Variants in CLASP2 observed in about 807,000 individuals in gnomAD.
The protein encoded by CLASP2 is CLIP-associating protein 2.
In CLASP2, 47 loss-of-function variants were observed where a neutral mutation model predicts 194.4. That is an observed-to-expected ratio of 0.24 (90% confidence interval 0.19 to 0.31). The LOEUF is 0.31. CLASP2 is among the 10% of genes least tolerant of loss of function. CLASP2 has a pLI of 1.00. For synonymous variants in CLASP2, 619 were observed against 633.5 expected (o/e 0.98, Z 0.34); for missense variants, 1,445 against 1,823.6 (o/e 0.79, Z 3.78).
At chr3:33,580,864 A>G (rs1410431140) in intron 23 of CLASP2, among the ~76,000 whole-genome samples, 12 of 151,530 alleles carry the variant, frequency 7.9e-5, no homozygotes, top group Admixed American at 7.2e-4. Flanking sequence ...AAATACAAAA[A>G]AATTAGCCGG....
chr3:33,673,885 A>G (rs1459274794), intron 6 of CLASP2, among the ~76,000 whole-genome samples: 2 of 152,228 alleles, frequency 1.3e-5, no homozygotes, highest in African/African-American at 4.8e-5. Context: ...TTCAACAAGA[A>G]GAGCTAACTA....
At chr3:33,539,593 C>T (rs1299037563) in intron 32 of CLASP2, among the ~76,000 whole-genome samples, 1 of 152,144 alleles carries the variant, frequency 6.6e-6, no homozygotes, top group African/African-American at 2.4e-5. Context: ...CCTCGGCCTC[C>T]CAAAGTGCTG....
chr3:33,649,445 A>G (rs1256050092), intron 7 of CLASP2, among the ~76,000 whole-genome samples: 1 of 152,248 alleles, frequency 6.6e-6, no homozygotes. Flanking sequence ...CACATTTCAC[A>G]GTATGGAGAC....
chr3:33,715,740 A>G (rs1050394966), intron 1 of CLASP2, among the ~76,000 whole-genome samples: 1 of 148,268 alleles, frequency 6.7e-6, no homozygotes, highest in Non-Finnish European at 1.5e-5. Context: ...GAAAAACTGT[A>G]TTTTGTTCAG....
rs2092267779 is a variant in CLASP2 at position 33,700,087 on chromosome 3, A to T, written c.196-3154T>A. ...TACATGACAGCAGACAAAAACTTAG[A>T]TCTACACTAAGAAATAACAGGAAAT... On this transcript the variant is annotated intron_variant, in intron 1 of 38. Coordinates refer to ENST00000682230, the MANE Select transcript of CLASP2 (RefSeq NM_001365631.1). Among the ~76,000 whole-genome samples, 3 of 152,260 alleles carry T rather than the reference A, an allele frequency of 2.0e-5. No homozygotes were observed. The South Asian group carries it at 6.2e-4, about 32-fold the overall frequency.
intron 37 of CLASP2, among the ~76,000 whole-genome samples, chr3:33,506,981 C>T (rs9858017): frequency 0.02 from 2,963 of 151,162 alleles, 95 homozygotes; most frequent in African/African-American, 0.067. Flanking sequence ...TCTTGTTGCC[C>T]AGGCTGGAGT....
rs771894699 is a variant in CLASP2 at position 33,543,451 on chromosome 3, T to C, written c.3386A>G (p.Gln1129Arg). Residue 1129 changes from glutamine to arginine, a missense_variant, in exon 32 of 39, where the codon CAG (glutamine) becomes CGG (arginine). Transcript: ENST00000682230. ...SPLTSPTNTSQNTLSPSAFDY... is the reference protein window; with the variant it reads ...SPLTSPTNTSRNTLSPSAFDY... ...TTATTACCTTGGAGATAAAGTATTC[T>C]GTGATGTATTGGTAGGAGAAGTAAG... is the stretch of plus-strand genomic sequence containing the variant. 1 of 1,600,464 alleles carries C rather than the reference T, an allele frequency of 6.2e-7. No homozygotes were observed. Among genetic ancestry groups the C allele is most frequent in the East Asian group, 2.2e-5 (1 of 44,820 alleles).
chr3:33,688,444 C>A, intron 3 of CLASP2, 76 bp from the exon 4 acceptor site: 1 of 1,068,552 alleles, frequency 9.4e-7, no homozygotes, highest in Non-Finnish European at 1.4e-6. Flanking sequence ...TCTTCCCAAT[C>A]TTACTACCAA....
chr3:33,633,880 G>T (rs2079585949), intron 8 of CLASP2, among the ~76,000 whole-genome samples: 2 of 152,102 alleles, frequency 1.3e-5, no homozygotes, highest in African/African-American at 4.8e-5. Context: ...AGATACAAAG[G>T]ACAGTATGAG....
chr3:33,572,369 T>TA (rs1437464157), intron 25 of CLASP2, among the ~76,000 whole-genome samples: 3 of 152,232 alleles, frequency 2.0e-5, no homozygotes, highest in Non-Finnish European at 2.9e-5. Flanking sequence ...ACATTTATTT[T>TA]AAATTATATA....
At chr3:33,564,534 T>A (rs1488610667) in intron 27 of CLASP2, among the ~76,000 whole-genome samples, 1 of 152,226 alleles carries the variant, frequency 6.6e-6, no homozygotes, top group African/African-American at 2.4e-5. Flanking sequence ...AGTAGCTAAA[T>A]AAAAATGTGG....
At chr3:33,643,218 T>G (rs566690886) in intron 8 of CLASP2, among the ~76,000 whole-genome samples, 1 of 152,040 alleles carries the variant, frequency 6.6e-6, no homozygotes, top group South Asian at 2.1e-4. Context: ...AGCCACTGGT[T>G]CAATTCATAA....
chr3:33,672,330 A>G (rs570645400), intron 6 of CLASP2, among the ~76,000 whole-genome samples: 99 of 152,344 alleles, frequency 6.5e-4, no homozygotes, highest in African/African-American at 2.4e-3. Flanking sequence ...TACCCAGGCA[A>G]ACAGGGTCTG....
chr3:33,691,100 T>C (rs6550229), intron 2 of CLASP2, among the ~76,000 whole-genome samples: 49,077 of 151,936 alleles, frequency 0.32, 8,069 homozygotes, highest in Admixed American at 0.4. Context: ...TGGCCACTCA[T>C]CTCCTGCTAT....
chr3:33,563,376 C>T (rs2062099439), intron 27 of CLASP2, among the ~76,000 whole-genome samples: 2 of 152,304 alleles, frequency 1.3e-5, no homozygotes, highest in East Asian at 1.9e-4. Context: ...GACACAGTCT[C>T]TCTGATCTAT....
intron 5 of CLASP2, among the ~76,000 whole-genome samples, chr3:33,686,119 T>G (rs535239801): frequency 6.6e-6 from 1 of 152,180 alleles, no homozygotes; most frequent in Non-Finnish European, 1.5e-5. Context: ...GAAGAGACAG[T>G]AGAATTCTCT....
rs145369083 is a variant in CLASP2, at chr3:33,533,873, C to T, written c.3787+1360G>A. On this transcript the variant is annotated intron_variant, in intron 34 of 38. Coordinates refer to ENST00000682230, the MANE Select transcript of CLASP2 (RefSeq NM_001365631.1). ...CTGGGATGACAGGCGCGTGCCACCA[C>T]GCCCAGCTAATTTTCATATTTTTAG... Among the ~76,000 whole-genome samples, 650 of 152,186 alleles carry T rather than the reference C, an allele frequency of 4.3e-3. 6 individuals are homozygous for T. Among genetic ancestry groups the T allele is most frequent in the African/African-American group, 0.014 (582 of 41,522 alleles).
chr3:33,647,055 A>C (rs902988870), intron 7 of CLASP2, among the ~76,000 whole-genome samples: 1 of 152,176 alleles, frequency 6.6e-6, no homozygotes, highest in Non-Finnish European at 1.5e-5. Context: ...ACCACAATTT[A>C]TTAATATCCA....
At chr3:33,591,910 T>C (rs1185769722) in intron 21 of CLASP2, among the ~76,000 whole-genome samples, 1 of 152,212 alleles carries the variant, frequency 6.6e-6, no homozygotes, top group African/African-American at 2.4e-5. Flanking sequence ...GTATCTGTCC[T>C]TGAATTATGT....
Sources: gnomAD v4.1 joint callset for allele counts (sites outside exome capture counted in the v4.1 genomes callset) on GRCh38, gnomAD v4.1.1 for gene constraint, MANE v1.5 for transcripts, NCBI Gene and HGNC (gene_info 2026-07-23, HGNC 2026-07-21) for gene names.